ZNF367: variants seen among roughly 807,000 people sequenced by gnomAD.
ZNF367 encodes zinc finger protein 367.
Under a neutral mutation model 31.8 loss-of-function variants are expected in ZNF367, and 11 were observed. That is an observed-to-expected ratio of 0.35 (90% confidence interval 0.22 to 0.57). ZNF367 has a LOEUF of 0.57. Among genes scored for constraint, ZNF367 ranks in the 20% least tolerant of loss-of-function variants. The probability of loss-of-function intolerance (pLI) is 0.85; values close to 1 mark genes in which losing one functional copy is unlikely to be tolerated. For synonymous variants in ZNF367, 199 were observed against 202.4 expected, an observed-to-expected ratio of 0.98 and a Z score of 0.14; for missense variants, 353 against 484.1, an observed-to-expected ratio of 0.73 and a Z score of 2.54.
Position 96,386,274 on chromosome 9 carries a change from C to A in ZNF367, c.*1963G>T, listed in dbSNP as rs983647856. The stretch of plus-strand genomic sequence containing the variant: ...AGTTGACAAAAGCTGACTGGAGAAA[C>A]AAGGAAAAACCCTTACTTTTGAAGG... On this transcript the variant is annotated 3_prime_UTR_variant, in exon 5 of 5. Coordinates refer to ENST00000375256, the MANE Select transcript of ZNF367 (RefSeq NM_153695.4). 1 of 152,034 alleles carries A rather than the reference C, an allele frequency of 6.6e-6. No individual in the cohort carries two copies. The highest frequency in any genetic ancestry group is 1.5e-5 in the Non-Finnish European group (1 of 67,950). The allele number at this position is 152,034 out of a possible 1,614,324, so 9.4% of individuals were successfully genotyped here. A position where few individuals can be genotyped will look rare whatever the true frequency, so the allele number is the denominator to read the frequency against.
chr9:96,409,237 A>G (rs1234163611), intron 1 of ZNF367, among the ~76,000 whole-genome samples: 2 of 151,972 alleles, frequency 1.3e-5, no homozygotes, highest in African/African-American at 2.4e-5. Context: ...AAATAAACCT[A>G]TTTTCCTCAT....
chr9:96,417,591 C>T lies in ZNF367; in HGVS notation c.420+22G>A. ...CCCCGGCTGCCCCACGTCCCGCCCG[C>T]CCGCCCGCCCGCGCCGCTCACCTTG... On this transcript the variant is annotated intron_variant, in intron 1 of 4. Coordinates refer to ENST00000375256, the MANE Select transcript of ZNF367 (RefSeq NM_153695.4). The surrounding 1 kb of genome is among the most constrained non-coding windows in gnomAD (Gnocchi z 5.0). 1 of 471,630 alleles carries T rather than the reference C, an allele frequency of 2.1e-6. No individual in the cohort carries two copies. The highest frequency in any genetic ancestry group is 3.3e-6 in the Non-Finnish European group (1 of 305,950). The allele number at this position is 471,630 out of a possible 1,614,324, so 29.2% of individuals were successfully genotyped here. A position where few individuals can be genotyped will look rare whatever the true frequency, so the allele number is the denominator to read the frequency against.
In ZNF367 at chr9:96,388,449, T is replaced by G. The variant is rs376800922; in HGVS notation, c.841A>C (p.Met281Leu). Reference sequence around the variant, plus strand: ...AAAGTGGGGGTGCGCTGCTCTCTCATTTCCCAATACCTATGTGAAATGCAG... The same window carrying G: ...AAAGTGGGGGTGCGCTGCTCTCTCAGTTCCCAATACCTATGTGAAATGCAG... ...AAEWLARYWE[M>L]REQRTPTLKG... Residue 281 changes from methionine to leucine, a missense_variant, in exon 5 of 5, where the codon ATG (methionine) becomes CTG (leucine). By Grantham distance (15) the Met-to-Leu change is conservative (BLOSUM62 2). Coordinates refer to ENST00000375256, the MANE Select transcript of ZNF367 (RefSeq NM_153695.4). The G allele has an allele frequency of 1.2e-6, 2 of 1,613,338 alleles. No homozygotes were observed. The highest frequency in any genetic ancestry group is 2.7e-5 in the African/African-American group (2 of 74,920).
chr9:96,396,603 A>G (rs1036213726), intron 2 of ZNF367, among the ~76,000 whole-genome samples: 5 of 152,186 alleles, frequency 3.3e-5, no homozygotes, highest in East Asian at 1.9e-4. Flanking sequence ...GTACTGCCCA[A>G]TGAAAGACAA....
intron 1 of ZNF367, among the ~76,000 whole-genome samples, chr9:96,399,999 T>G (rs1368041003): frequency 1.3e-5 from 2 of 152,160 alleles, no homozygotes; most frequent in African/African-American, 4.8e-5. Flanking sequence ...GGAGTCACAT[T>G]ATAATATTCA....
chr9:96,414,529 G>A (rs148784300), intron 1 of ZNF367, among the ~76,000 whole-genome samples: 7 of 152,224 alleles, frequency 4.6e-5, no homozygotes, highest in Admixed American at 1.3e-4. Flanking sequence ...CCAGGCTGGA[G>A]TGCAGTTGCA....
chr9:96,413,666 T>C (rs950697145), intron 1 of ZNF367, among the ~76,000 whole-genome samples: 4 of 152,178 alleles, frequency 2.6e-5, no homozygotes, highest in Admixed American at 1.3e-4. Flanking sequence ...CTCAGAATTC[T>C]ACAATCCAGA....
intron 1 of ZNF367, among the ~76,000 whole-genome samples, chr9:96,410,907 A>AAAT (rs1831739650): frequency 6.6e-6 from 1 of 151,626 alleles, no homozygotes; most frequent in African/African-American, 2.4e-5. Flanking sequence ...AAACAAAAAA[A>AAAT]ACATAGTGGC....
At position 96,394,959 on chromosome 9, in the gene ZNF367, T is replaced by C; in HGVS notation, c.572-17A>G. 6.2e-7 allele frequency: 1 copy of C among 1,613,156 alleles called. No individual in the cohort carries two copies. Among genetic ancestry groups the C allele is most frequent in the Non-Finnish European group, 8.5e-7 (1 of 1,179,404 alleles). ...GCCTCTCACCTAAGTAGACAGATGT[T>C]AGATATTATATCTGAGATAATAAGG... On this transcript the variant is annotated splice_polypyrimidine_tract_variant and intron_variant, in intron 2 of 4. Coordinates refer to ENST00000375256, the MANE Select transcript of ZNF367 (RefSeq NM_153695.4).
At chr9:96,392,612 C>A in intron 3 of ZNF367, 76 bp from the exon 4 acceptor site, 2 of 1,510,950 alleles carry the variant, frequency 1.3e-6, no homozygotes, top group Non-Finnish European at 1.8e-6. Context: ...TTCAGTTTCA[C>A]TGGTATCCAG....
At position 96,410,044 on chromosome 9, in the gene ZNF367, G is replaced by T. The variant is rs1831722017; in HGVS notation, c.420+7569C>A. 2.0e-5 allele frequency among the ~76,000 whole-genome samples: 3 copies of T among 152,220 alleles called. No homozygotes were observed. The South Asian group carries it at 6.2e-4, about 32-fold the overall frequency. ...TAATCCCAGCACTTTGGGAGGTCGAGGTGGGTGGATCACGAGGTCAGGAGA... is the reference window on the plus strand; with the variant it reads ...TAATCCCAGCACTTTGGGAGGTCGATGTGGGTGGATCACGAGGTCAGGAGA... On this transcript the variant is annotated intron_variant, in intron 1 of 4. Transcript: ENST00000375256.
intron 1 of ZNF367, among the ~76,000 whole-genome samples, chr9:96,400,673 A>C (rs926591477): frequency 2.0e-5 from 3 of 152,148 alleles, no homozygotes; most frequent in Non-Finnish European, 1.5e-5. Context: ...AAAAGAAGGA[A>C]GGGAAATCAA....
chr9:96,413,136 C>T (rs1226743597), intron 1 of ZNF367, among the ~76,000 whole-genome samples: 4 of 152,180 alleles, frequency 2.6e-5, no homozygotes, highest in East Asian at 1.9e-4. Context: ...TAGAAGGTTC[C>T]GATCAGTTCT....
At chr9:96,408,255 G>A (rs1480500113) in intron 1 of ZNF367, among the ~76,000 whole-genome samples, 1 of 152,046 alleles carries the variant, frequency 6.6e-6, no homozygotes, top group Non-Finnish European at 1.5e-5. Context: ...AATGTGGGAA[G>A]GCTACATATA....
At chr9:96,414,758 G>T (rs1440955667) in intron 1 of ZNF367, among the ~76,000 whole-genome samples, 1 of 152,160 alleles carries the variant, frequency 6.6e-6, no homozygotes, top group South Asian at 2.1e-4. Context: ...TTACAGGCGT[G>T]AGCCTCCGCG....
At chr9:96,404,410 T>C (rs1564142956) in intron 1 of ZNF367, among the ~76,000 whole-genome samples, 1 of 150,638 alleles carries the variant, frequency 6.6e-6, no homozygotes. Context: ...CTGGCTAACA[T>C]GGTGAAACCC....
intron 2 of ZNF367, among the ~76,000 whole-genome samples, chr9:96,396,663 G>T (rs1057441222): frequency 6.6e-6 from 1 of 151,432 alleles, no homozygotes; most frequent in African/African-American, 2.4e-5. Flanking sequence ...AGAAAGAGGT[G>T]AAATAAATTT....
At chr9:96,396,467 T>A (rs1448675684) in intron 2 of ZNF367, among the ~76,000 whole-genome samples, 1 of 152,046 alleles carries the variant, frequency 6.6e-6, no homozygotes, top group East Asian at 1.9e-4. Flanking sequence ...ACCTCTATTC[T>A]ATCATATCAT....
At chr9:96,409,725 T>C (rs758746861) in intron 1 of ZNF367, among the ~76,000 whole-genome samples, 15 of 152,242 alleles carry the variant, frequency 9.9e-5, no homozygotes, top group Non-Finnish European at 1.8e-4. Flanking sequence ...TGATCCTCAG[T>C]AGCCACATAT....
Sources: gnomAD v4.1 joint callset for allele counts (sites outside exome capture counted in the v4.1 genomes callset) on GRCh38, gnomAD v4.1.1 for gene constraint, Gnocchi (gnomAD v3.1) non-coding constraint, MANE v1.5 for transcripts, NCBI Gene and HGNC (gene_info 2026-07-23, HGNC 2026-07-21) for gene names.